DGKH: variants seen among roughly 807,000 people sequenced by gnomAD.
DGKH encodes the protein diacylglycerol kinase eta, also known as DAG kinase eta.
In DGKH, 90 loss-of-function variants were observed where a neutral mutation model predicts 159.3. The observed-to-expected ratio is 0.57, with a 90% CI of 0.48 to 0.67. DGKH has a LOEUF of 0.67. Ranked by LOEUF, DGKH falls within the 30% of genes least tolerant of loss-of-function variation. The pLI, the probability that DGKH is intolerant of heterozygous loss-of-function variation, is 0.00. For synonymous variants in DGKH, 536 were observed against 553.8 expected (o/e 0.97, Z 0.45); for missense variants, 1,181 against 1,506.1 (o/e 0.78, Z 3.57).
chr13:42,181,099 ACCCCGTCT>A (rs1956743240), intron 13 of DGKH, among the ~76,000 whole-genome samples: 1 of 151,842 alleles, frequency 6.6e-6, no homozygotes, highest in Non-Finnish European at 1.5e-5. Context: ...ACACGGTGAA[ACCCCGTCT>A]CTACTAAAAA....
chr13:42,207,101 C>CTTTA lies in DGKH; in HGVS notation c.2601+958_2601+959insATTT, dbSNP rs1555276097. On this transcript the variant is annotated intron_variant, in intron 21 of 29. Transcript: ENST00000337343. ...TCTTTCTTTCTTTCTTTCTTTCTTTCTTTCTTTCTTTCTCTTTCTCTCTCC... is the reference window on the plus strand; with the variant it reads ...TCTTTCTTTCTTTCTTTCTTTCTTTCTTTATTTCTTTCTTTCTCTTTCTCTCTCC... 1.3e-3 allele frequency among the ~76,000 whole-genome samples: 166 copies of CTTTA among 129,168 alleles called. 7 individuals carry two copies. Among genetic ancestry groups the CTTTA allele is most frequent in the African/African-American group, 5.0e-3 (162 of 32,458 alleles). The allele number at this position is 129,168 out of a possible 152,430, so 84.7% of individuals were successfully genotyped here.
At position 42,168,449 on chromosome 13, in the gene DGKH, A is replaced by G; in HGVS notation, c.1128A>G (p.Leu376=). 6 of 1,613,746 alleles carry G rather than the reference A, an allele frequency of 3.7e-6. No homozygotes were observed. The highest frequency in any genetic ancestry group is 5.1e-6 in the Non-Finnish European group (6 of 1,179,840). ...MNGGPHLGLR[L]FQKFDNFRIL... ...TCCTTTTTGCTTTCAGTTTAAGATT[A>G]TTTCAGAAGTTTGACAATTTCCGGA... Residue 376 remains leucine, a synonymous_variant, in exon 10 of 30, where the codon TTA becomes TTG. Coordinates refer to ENST00000337343, the MANE Select transcript of DGKH (RefSeq NM_178009.5).
At chr13:42,108,957 G>A (rs767257974) in intron 1 of DGKH, among the ~76,000 whole-genome samples, 3 of 152,196 alleles carry the variant, frequency 2.0e-5, no homozygotes, top group African/African-American at 7.2e-5. Flanking sequence ...TAATCAAGAG[G>A]TGGAAAAAGT....
chr13:42,087,084 C>CACACA (rs398038514), intron 1 of DGKH, among the ~76,000 whole-genome samples: 5 of 145,486 alleles, frequency 3.4e-5, no homozygotes, highest in South Asian at 2.2e-4. Context: ...CACACACACA[C>CACACA]CTCAGAACAG....
At chr13:42,200,251 T>G (rs963071480) in intron 20 of DGKH, among the ~76,000 whole-genome samples, 3 of 152,178 alleles carry the variant, frequency 2.0e-5, no homozygotes, top group African/African-American at 7.2e-5. Context: ...ATAACAAAAG[T>G]TTTTCAAATC....
intron 1 of DGKH, among the ~76,000 whole-genome samples, chr13:42,103,540 A>T (rs1954690875): frequency 1.3e-5 from 2 of 152,138 alleles, no homozygotes; most frequent in African/African-American, 2.4e-5. Flanking sequence ...TCCTTAGCAA[A>T]GTGCCTGAAT....
At chr13:42,248,647 G>GAT (rs925078551) in intron 29 of DGKH, among the ~76,000 whole-genome samples, 1 of 146,048 alleles carries the variant, frequency 6.8e-6, no homozygotes, top group Non-Finnish European at 1.5e-5. Flanking sequence ...ATATAATTAT[G>GAT]ATATATATTT....
intron 3 of DGKH, chr13:42,140,928 T>A (rs938484855): frequency 6.6e-6 from 1 of 150,912 alleles, no homozygotes; most frequent in East Asian, 1.9e-4. Flanking sequence ...TTTTTTATTT[T>A]TTTATTTTTA....
intron 3 of DGKH, among the ~76,000 whole-genome samples, chr13:42,154,625 A>G (rs985317634): frequency 6.6e-6 from 1 of 151,808 alleles, no homozygotes; most frequent in African/African-American, 2.4e-5. Flanking sequence ...GCTAAATACT[A>G]GTACAGTGGA....
chr13:42,148,975 C>T (rs1955810376), intron 3 of DGKH, among the ~76,000 whole-genome samples: 1 of 113,738 alleles, frequency 8.8e-6, no homozygotes, highest in South Asian at 3.2e-4. Flanking sequence ...TGAGACAAGT[C>T]TCACTCTTGG....
rs1398248019 is a variant in DGKH at position 42,040,654 on chromosome 13, G to C, written c.-13+528G>C. ...CGCAGGGGAGCGGGACCGTGGAGAA[G>C]GAGGAGGCGGCGGAGGAGGAAGGGA... On this transcript the variant is annotated intron_variant, in intron 1 of 29. Coordinates refer to the DGKH transcript ENST00000379274. Among the ~76,000 whole-genome samples, 3 of 151,386 alleles carry C rather than the reference G, an allele frequency of 2.0e-5. No homozygotes were observed. The East Asian group carries it at 5.9e-4, about 30-fold the overall frequency.
chr13:42,045,726 G>A (rs1880758389), upstream of DGKH, among the ~76,000 whole-genome samples: 1 of 152,204 alleles, frequency 6.6e-6, no homozygotes, highest in African/African-American at 2.4e-5. Flanking sequence ...AGGAACACAA[G>A]TCCTAGAACA....
At chr13:42,210,334 C>T (rs12430804) in intron 23 of DGKH, among the ~76,000 whole-genome samples, 50,536 of 151,710 alleles carry the variant, frequency 0.33, 9,878 homozygotes, top group Non-Finnish European at 0.44. Context: ...GATGAGGTCT[C>T]ACTATGTTGC....
intron 1 of DGKH, among the ~76,000 whole-genome samples, chr13:42,098,877 G>T (rs1464776193): frequency 6.6e-6 from 1 of 152,130 alleles, no homozygotes; most frequent in Non-Finnish European, 1.5e-5. Flanking sequence ...TAATATGAAA[G>T]GACACATTCC....
At chr13:42,064,398 C>T (rs1006886848) in intron 1 of DGKH, among the ~76,000 whole-genome samples, 1 of 152,052 alleles carries the variant, frequency 6.6e-6, no homozygotes, top group Non-Finnish European at 1.5e-5. Flanking sequence ...CGCTGTCAGC[C>T]TGGTGTGGGA....
At chr13:42,087,201 C>T (rs1182288990) in intron 1 of DGKH, among the ~76,000 whole-genome samples, 1 of 152,092 alleles carries the variant, frequency 6.6e-6, no homozygotes, top group Non-Finnish European at 1.5e-5. Context: ...GTAGAAGCCT[C>T]AGAAGGGCCT....
intron 1 of DGKH, among the ~76,000 whole-genome samples, chr13:42,053,556 GTA>G (rs994130425): frequency 4.5e-5 from 5 of 111,702 alleles, no homozygotes; most frequent in Admixed American, 2.5e-4. Context: ...AACTATATAT[GTA>G]TATATATAAC....
chr13:42,069,483 A>C, intron 1 of DGKH: 2 of 1,563,952 alleles, frequency 1.3e-6, no homozygotes, highest in Non-Finnish European at 8.8e-7. Flanking sequence ...GTTGGAAACT[A>C]AATTGAATAG....
rs75374658 is a variant in DGKH, at chr13:42,206,883, T to G, written c.2601+737T>G. 3.6e-3 allele frequency among the ~76,000 whole-genome samples: 539 copies of G among 151,732 alleles called. 8 individuals carry two copies. The East Asian group carries it at 0.048, about 14-fold the overall frequency. On this transcript the variant is annotated intron_variant, in intron 21 of 29. Transcript: ENST00000337343. The stretch of plus-strand genomic sequence containing the variant: ...TCCTTTTGCTGTGTAAGGTAACAGA[T>G]TCACGGGTTTGGGGGATTAGGACAT...
Sources: allele counts gnomAD v4.1 joint callset (sites outside exome capture counted in the v4.1 genomes callset), GRCh38; gene constraint gnomAD v4.1.1; transcripts MANE v1.5; gene names NCBI Gene and HGNC (gene_info 2026-07-23, HGNC 2026-07-21).